BRD10: variants seen among roughly 807,000 people sequenced by gnomAD.
BRD10 encodes the protein uncharacterized bromodomain-containing protein 10.
chr9:5,951,782 C>A, the BRD10 span, among the ~76,000 whole-genome samples: 7 of 151,254 alleles, frequency 4.6e-5, no homozygotes, highest in African/African-American at 1.7e-4. Flanking sequence ...CTAGCACTAT[C>A]TCCTATTTTA....
the BRD10 span, chr9:5,968,698 T>A: frequency 6.2e-7 from 1 of 1,613,896 alleles, no homozygotes; most frequent in African/African-American, 1.3e-5. Flanking sequence ...CACACTTCAA[T>A]TTCTCCAATT....
the BRD10 span, among the ~76,000 whole-genome samples, chr9:5,947,249 A>G: frequency 1.8e-3 from 281 of 152,210 alleles, 2 homozygotes; most frequent in Non-Finnish European, 3.3e-3. Flanking sequence ...TTAATAAAAC[A>G]GTTTTTTGTT....
At chr9:5,923,175 C>A in the BRD10 span, 2 of 1,613,898 alleles carry the variant, frequency 1.2e-6, no homozygotes, top group Non-Finnish European at 1.7e-6. Flanking sequence ...GTGCTGTCAT[C>A]CACATAATCA....
chr9:5,981,961 C>G, the BRD10 span, among the ~76,000 whole-genome samples: 1 of 152,186 alleles, frequency 6.6e-6, no homozygotes, highest in African/African-American at 2.4e-5. Flanking sequence ...GCACCAGAAT[C>G]TCAGAAATCA....
At chr9:5,942,741 T>C in the BRD10 span, among the ~76,000 whole-genome samples, 66 of 152,286 alleles carry the variant, frequency 4.3e-4, no homozygotes, top group South Asian at 0.014. Context: ...TTAAAACTAA[T>C]ATGCAAACAT....
the BRD10 span, among the ~76,000 whole-genome samples, chr9:5,954,854 G>A: frequency 6.6e-6 from 1 of 152,092 alleles, no homozygotes; most frequent in Non-Finnish European, 1.5e-5. Context: ...ACTTTGGGAG[G>A]CCAAGGCAGG....
the BRD10 span, among the ~76,000 whole-genome samples, chr9:5,965,635 T>C: frequency 6.6e-6 from 1 of 152,242 alleles, no homozygotes; most frequent in African/African-American, 2.4e-5. Flanking sequence ...TACACCATAA[T>C]GCCCTTCTGA....
the BRD10 span, chr9:6,007,429 C>G: frequency 3.1e-6 from 5 of 1,606,506 alleles, no homozygotes; most frequent in East Asian, 2.2e-5. Context: ...GCCCCCGCTG[C>G]GCGGCCCTTC....
At chr9:5,972,730 T>C in the BRD10 span, among the ~76,000 whole-genome samples, 2 of 152,334 alleles carry the variant, frequency 1.3e-5, no homozygotes, top group Non-Finnish European at 2.9e-5. Flanking sequence ...ATGCTTCCTG[T>C]ACAACCTACA....
At chr9:5,952,307 C>T in the BRD10 span, among the ~76,000 whole-genome samples, 1 of 152,132 alleles carries the variant, frequency 6.6e-6, no homozygotes, top group Non-Finnish European at 1.5e-5. Flanking sequence ...AGGTGTGAGC[C>T]ACTGGGCCCG....
At chr9:5,883,391 A>T in the BRD10 span, among the ~76,000 whole-genome samples, 8 of 151,988 alleles carry the variant, frequency 5.3e-5, no homozygotes, top group African/African-American at 1.7e-4. Flanking sequence ...GGTGGCAGCA[A>T]CCTGGAAGGT....
the BRD10 span, chr9:5,923,072 C>A: frequency 6.2e-7 from 1 of 1,614,004 alleles, no homozygotes; most frequent in Admixed American, 1.7e-5. Flanking sequence ...CTTTGATTCA[C>A]TGAAACAGTC....
chr9:5,932,965 C>G, the BRD10 span, among the ~76,000 whole-genome samples: 1 of 151,960 alleles, frequency 6.6e-6, no homozygotes, highest in Non-Finnish European at 1.5e-5. Flanking sequence ...GAATTAAAAG[C>G]AAAACAGCAA....
At chr9:5,884,538 T>C in the BRD10 span, among the ~76,000 whole-genome samples, 1 of 152,236 alleles carries the variant, frequency 6.6e-6, no homozygotes, top group Non-Finnish European at 1.5e-5. Flanking sequence ...GGTTGGTGAA[T>C]GCCTACTTAA....
chr9:5,920,807 A>C, the BRD10 span: 1 of 1,613,998 alleles, frequency 6.2e-7, no homozygotes, highest in Non-Finnish European at 8.5e-7. Flanking sequence ...AGGAGACACT[A>C]CTGGTTGTGT....
At chr9:5,978,037 T>G in the BRD10 span, among the ~76,000 whole-genome samples, 15 of 152,320 alleles carry the variant, frequency 9.8e-5, no homozygotes, top group African/African-American at 3.6e-4. Flanking sequence ...CTAAGGATAT[T>G]TGCAAAAATA....
chr9:5,936,642 G>T, the BRD10 span, among the ~76,000 whole-genome samples: 1 of 152,082 alleles, frequency 6.6e-6, no homozygotes, highest in African/African-American at 2.4e-5. Context: ...AAGATGCTAA[G>T]AAAGTTTTAT....
the BRD10 span, among the ~76,000 whole-genome samples, chr9:5,912,728 T>C: frequency 2.8e-4 from 43 of 151,822 alleles, no homozygotes; most frequent in African/African-American, 1.0e-3. Flanking sequence ...GGCACAGGAG[T>C]CCTCTACTGC....
At chr9:5,933,918 A>G in the BRD10 span, 1 of 458,366 alleles carries the variant, frequency 2.2e-6, no homozygotes, top group East Asian at 7.0e-5. Context: ...AATAAATTCT[A>G]TATTAAATGT....
Sources: allele counts gnomAD v4.1 joint callset (sites outside exome capture counted in the v4.1 genomes callset), GRCh38; gene constraint gnomAD v4.1.1; transcripts MANE v1.5; gene names NCBI Gene and HGNC (gene_info 2026-07-23, HGNC 2026-07-21).